Variants in ADGRV1 observed in about 807,000 individuals in gnomAD.
ADGRV1 encodes G-protein coupled receptor 98.
Under a neutral mutation model 596.2 loss-of-function variants are expected in ADGRV1, and 359 were observed. That is an observed-to-expected ratio of 0.60 (90% CI 0.55 to 0.66). The LOEUF (loss-of-function observed/expected upper bound fraction) is 0.66. Ranked by LOEUF, ADGRV1 falls within the 30% of genes least tolerant of loss-of-function variation. The pLI, the probability that ADGRV1 is intolerant of heterozygous loss-of-function variation, is 0.00. For synonymous variants in ADGRV1, 2,681 were observed against 2,679.2 expected, an observed-to-expected ratio of 1.00 and a Z score of -0.02; for missense variants, 7,274 against 7,575.6, an observed-to-expected ratio of 0.96 and a Z score of 1.48.
At chr5:90,750,890 A>G (rs1440723175) in intron 53 of ADGRV1, among the ~76,000 whole-genome samples, 193 bp downstream of exon 53, 1 of 152,182 alleles carries the variant, frequency 6.6e-6, no homozygotes, top group East Asian at 1.9e-4. Flanking sequence ...TTTTAAAAAA[A>G]TATAAAACCA....
chr5:90,625,102 A>G (rs1234440035), intron 5 of ADGRV1, 28 bp from the exon 6 acceptor site: 1 of 1,371,868 alleles, frequency 7.3e-7, no homozygotes, highest in African/African-American at 1.4e-5. Context: ...TTTTGCATTT[A>G]TTGATGGCAT....
intron 86 of ADGRV1, among the ~76,000 whole-genome samples, chr5:91,085,168 T>C (rs191929832): frequency 5.3e-5 from 8 of 152,326 alleles, no homozygotes; most frequent in Admixed American, 2.0e-4. Context: ...ACATGGCACA[T>C]GTATACCTAT....
rs937424501 is a variant in ADGRV1 at position 90,629,283 on chromosome 5, T to C, written c.1583T>C (p.Ile528Thr). The C allele has an allele frequency of 2.5e-6, 4 of 1,612,902 alleles. No homozygotes were observed. The African/African-American group carries it at 5.3e-5, about 22-fold the overall frequency. ...TTTTTTCCTATGGAAAACCAGAAGA[T>C]TGAAAGCAGCCCAGGTGAACGATAC... The part of the protein sequence containing the change: ...ITFFPMENQK[I>T]ESSPGERYLS... The change falls in exon 9 of 90, where the codon ATT becomes ACT. Residue 528 changes from isoleucine (I) to threonine (T), a missense_variant. Ile to Thr is a moderately conservative substitution (Grantham distance 89). Around this residue, in one of 5 missense-constraint regions of ADGRV1, gnomAD observed 1,715 missense variants for 1,708.8 expected, o/e 1.00. Transcript: ENST00000405460.
At chr5:91,076,530 C>A (rs1358861332) in intron 86 of ADGRV1, among the ~76,000 whole-genome samples, 1 of 151,828 alleles carries the variant, frequency 6.6e-6, no homozygotes, top group Admixed American at 6.6e-5. Context: ...CATCAATGTA[C>A]CACAAAATTA....
At position 90,830,844 on chromosome 5, in the gene ADGRV1, C is replaced by CT. The variant is rs535370640; in HGVS notation, c.16611+1659dup. Among the ~76,000 whole-genome samples the CT allele has an allele frequency of 8.5e-4, 129 of 152,258 alleles. 1 individual carries two copies. The highest frequency in any genetic ancestry group is 7.6e-3 in the Admixed American group (116 of 15,268). On this transcript the variant is annotated intron_variant, in intron 77 of 89. Transcript: ENST00000405460. The stretch of plus-strand genomic sequence containing the variant: ...TGAGATTGGCGTGTAAATCAGTAGA[C>CT]TGAGTAAAGCAGATTGCCTTCATAA...
Position 91,150,194 on chromosome 5 carries a change from C to A in ADGRV1, c.18597C>A (p.Thr6199=). 1 of 1,589,808 alleles carries A rather than the reference C, an allele frequency of 6.3e-7. No individual in the cohort carries two copies. Among genetic ancestry groups the A allele is most frequent in the Non-Finnish European group, 8.6e-7 (1 of 1,168,732 alleles). Residue 6199 remains threonine, a synonymous_variant, in exon 88 of 90, where the codon ACC becomes ACA. Transcript: ENST00000405460. ...CTGGAGGGGAAATCAGCAAGTCCAC[C>A]CAGAATCTCATCGGTGCTATGGAGG... is the stretch of plus-strand genomic sequence containing the variant. ...PPAGGEISKS[T]QNLIGAMEEV...
intron 83 of ADGRV1, among the ~76,000 whole-genome samples, chr5:90,881,304 A>G (rs1769743946): frequency 6.6e-6 from 1 of 152,172 alleles, no homozygotes; most frequent in South Asian, 2.1e-4. Flanking sequence ...ATTAAAGGAG[A>G]AGAATGAAAA....
Position 90,755,060 on chromosome 5 carries a change from C to G in ADGRV1, c.11455C>G (p.Gln3819Glu). 6.2e-7 allele frequency: 1 copy of G among 1,612,484 alleles called. No homozygotes were observed. The highest frequency in any genetic ancestry group is 8.5e-7 in the Non-Finnish European group (1 of 1,178,624). The part of the protein sequence containing the change: ...LGDIAIHLRA[Q>E]PNFLLHVDNQ... Reference sequence around the variant, plus strand: ...GGATATTGCCATTCACTTGAGAGCTCAACCCAATTTCTTACTGCATGTCGA... The same window carrying G: ...GGATATTGCCATTCACTTGAGAGCTGAACCCAATTTCTTACTGCATGTCGA... Residue 3819 changes from glutamine to glutamate, a missense_variant, in exon 55 of 90, where the codon CAA (glutamine) becomes GAA (glutamate). Physicochemically the swap from Gln to Glu is conservative, Grantham distance 29. Around this residue, in one of 5 missense-constraint regions of ADGRV1, gnomAD observed 3,643 missense variants for 3,809.2 expected, o/e 0.96. Coordinates refer to ENST00000405460, the MANE Select transcript of ADGRV1 (RefSeq NM_032119.4).
chr5:90,823,317 A>G, intron 75 of ADGRV1, 108 bp from the exon 76 acceptor site: 4 of 1,125,658 alleles, frequency 3.6e-6, no homozygotes, highest in Non-Finnish European at 5.2e-6. Flanking sequence ...ATGAAGAGGT[A>G]CCATTTGGTA....
At chr5:90,643,531 C>T (rs917671218) in intron 13 of ADGRV1, among the ~76,000 whole-genome samples, 4 of 152,140 alleles carry the variant, frequency 2.6e-5, no homozygotes, top group African/African-American at 9.7e-5. Context: ...GTGACTAGAT[C>T]ATCAGAGATA....
intron 83 of ADGRV1, among the ~76,000 whole-genome samples, chr5:90,869,783 A>C (rs1189299712): frequency 6.6e-6 from 1 of 152,186 alleles, no homozygotes; most frequent in Non-Finnish European, 1.5e-5. Context: ...GTAGGTACTA[A>C]TATTATTCTC....
At chr5:90,923,619 GGT>G (rs1774096380) in intron 83 of ADGRV1, among the ~76,000 whole-genome samples, 1 of 151,922 alleles carries the variant, frequency 6.6e-6, no homozygotes. Context: ...TCTTGCCTTA[GGT>G]TATTTGTTCT....
chr5:90,696,850 A>T, intron 33 of ADGRV1, 87 bp from the exon 34 acceptor site: 1 of 906,486 alleles, frequency 1.1e-6, no homozygotes, highest in Non-Finnish European at 1.7e-6. Context: ...TTTAACTTTT[A>T]AACATAGAAA....
chr5:91,006,870 C>T (rs1269815072), intron 85 of ADGRV1, among the ~76,000 whole-genome samples: 1 of 152,114 alleles, frequency 6.6e-6, no homozygotes, highest in East Asian at 1.9e-4. Context: ...CTTTGTATAA[C>T]CTCTGACCCT....
chr5:90,927,419 G>C (rs10039654), intron 83 of ADGRV1, among the ~76,000 whole-genome samples: 40,037 of 151,740 alleles, frequency 0.26, 5,972 homozygotes, highest in Non-Finnish European at 0.34. Flanking sequence ...GATCTTTGTT[G>C]GTTTAAAGTC....
At chr5:90,766,449 A>T (rs1188276176) in intron 59 of ADGRV1, among the ~76,000 whole-genome samples, 1 of 152,148 alleles carries the variant, frequency 6.6e-6, no homozygotes, top group East Asian at 1.9e-4. Context: ...ATACTGACTC[A>T]AAATACTGAT....
intron 85 of ADGRV1, among the ~76,000 whole-genome samples, chr5:91,015,779 T>C (rs1396500153): frequency 2.0e-5 from 3 of 151,688 alleles, no homozygotes; most frequent in Non-Finnish European, 4.4e-5. Flanking sequence ...GGTGTCATTA[T>C]GTGTGAGATG....
chr5:91,149,753 A>T lies in ADGRV1; in HGVS notation c.18433-277A>T, dbSNP rs1473793181. On this transcript the variant is annotated intron_variant, in intron 87 of 89. Coordinates refer to ENST00000405460, the MANE Select transcript of ADGRV1 (RefSeq NM_032119.4). ...GAGACTGAGGCAGGAGAATCACTTG[A>T]GTCTGAGAGGCAGAAGTGCAGTGAG... Among the ~76,000 whole-genome samples, 40 of 142,772 alleles carry T rather than the reference A, an allele frequency of 2.8e-4. 1 individual carries two copies. In the Admixed American group the frequency reaches 2.9e-3, roughly 10 times the overall value. The allele number at this position is 142,772 out of a possible 152,430, so 93.7% of individuals were successfully genotyped here.
intron 70 of ADGRV1, among the ~76,000 whole-genome samples, chr5:90,795,096 T>G (rs549993989): frequency 1.0e-4 from 15 of 150,682 alleles, no homozygotes; most frequent in African/African-American, 3.7e-4. Context: ...GTTTTTTTTT[T>G]TTTTTTTTTT....
Sources: gnomAD v4.1 joint callset for allele counts (sites outside exome capture counted in the v4.1 genomes callset) on GRCh38, gnomAD v4.1.1 for gene constraint, gnomAD v4.1.1 regional missense constraint, MANE v1.5 for transcripts, NCBI Gene and HGNC (gene_info 2026-07-23, HGNC 2026-07-21) for gene names.